Variants in FBXL20 observed in about 807,000 individuals in gnomAD.
FBXL20 encodes F-box/LRR-repeat protein 20.
FBXL20 carries 11 observed loss-of-function variants against 64.0 expected under a neutral mutation model. The ratio of observed to expected loss-of-function variants is 0.17; its 90% CI spans 0.11 to 0.28. The LOEUF is 0.28. Ranked by LOEUF, FBXL20 falls within the 10% of genes least tolerant of loss-of-function variation. The pLI is 1.00. For synonymous variants in FBXL20, 184 were observed against 189.0 expected (o/e 0.97, Z 0.22); for missense variants, 303 against 526.2 (o/e 0.58, Z 4.15).
chr17:39,349,241 G>C (rs145486774), intron 1 of FBXL20, among the ~76,000 whole-genome samples: 2 of 148,752 alleles, frequency 1.3e-5, no homozygotes, highest in African/African-American at 5.0e-5. Flanking sequence ...AACAGAGCGG[G>C]ACTCCGTCTC....
intron 2 of FBXL20, among the ~76,000 whole-genome samples, chr17:39,312,030 T>C (rs920543894): frequency 2.0e-5 from 3 of 152,162 alleles, no homozygotes; most frequent in Admixed American, 6.6e-5. Flanking sequence ...TAAGATGTCA[T>C]TGAGTTAGCT....
Position 39,274,927 on chromosome 17 carries a change from CTT to C in FBXL20, c.827+41_827+42del, listed in dbSNP as rs1254912708. The C allele has an allele frequency of 6.2e-6, 10 of 1,610,526 alleles. No individual in the cohort carries two copies. In the African/African-American group the frequency reaches 9.4e-5, roughly 15 times the overall value. On this transcript the variant is annotated intron_variant, in intron 10 of 14. Coordinates refer to ENST00000264658, the MANE Select transcript of FBXL20 (RefSeq NM_032875.3). ...AAGGAAGAAATATGGGTGAAGGAAA[CTT>C]TTGTTCTATGATTTTTTTGAGCTAA...
intron 1 of FBXL20, among the ~76,000 whole-genome samples, chr17:39,374,456 G>C (rs1051296269): frequency 6.6e-6 from 1 of 151,712 alleles, no homozygotes; most frequent in African/African-American, 2.4e-5. Flanking sequence ...CATGAGAACT[G>C]CTTGAACCTG....
intron 1 of FBXL20, 91 bp downstream of exon 1, chr17:39,401,270 C>A: frequency 1.2e-6 from 2 of 1,600,882 alleles, no homozygotes; most frequent in Non-Finnish European, 1.7e-6. Context: ...ACGGCGCCTG[C>A]CAGGGAGGAG....
chr17:39,369,934 C>T (rs1004437332), intron 1 of FBXL20, among the ~76,000 whole-genome samples: 6 of 152,048 alleles, frequency 3.9e-5, no homozygotes, highest in Admixed American at 3.3e-4. Context: ...GCATCCAACC[C>T]ACATAATACT....
intron 2 of FBXL20, among the ~76,000 whole-genome samples, chr17:39,328,958 G>A (rs1173460422): frequency 6.6e-6 from 1 of 152,158 alleles, no homozygotes; most frequent in Non-Finnish European, 1.5e-5. Flanking sequence ...GGAGACAGAG[G>A]TGGGAGGATT....
chr17:39,319,763 G>T lies in FBXL20; in HGVS notation c.105-16124C>A, dbSNP rs963476742. Among the ~76,000 whole-genome samples, 15 of 150,334 alleles carry T rather than the reference G, an allele frequency of 1.0e-4. No homozygotes were observed. In the South Asian group the frequency reaches 1.3e-3, roughly 13 times the overall value. On this transcript the variant is annotated intron_variant, in intron 2 of 14. Coordinates refer to ENST00000264658, the MANE Select transcript of FBXL20 (RefSeq NM_032875.3). ...GAAAAAAAAAAAAAATAGAACAGCA[G>T]GGACATAAATCTTTTCATTATTATT...
chr17:39,274,876 T>G, intron 10 of FBXL20, 94 bp downstream of exon 10: 1 of 1,536,268 alleles, frequency 6.5e-7, no homozygotes, highest in Non-Finnish European at 8.9e-7. Flanking sequence ...GCGTCTGCAG[T>G]GCCTACCTTA....
At chr17:39,366,965 G>C (rs1039043553) in intron 1 of FBXL20, among the ~76,000 whole-genome samples, 1 of 149,480 alleles carries the variant, frequency 6.7e-6, no homozygotes, top group East Asian at 2.0e-4. Context: ...CTCACTGCAA[G>C]CTCTGCCCCT....
chr17:39,366,104 G>A (rs1359438929), intron 1 of FBXL20, among the ~76,000 whole-genome samples: 1 of 152,028 alleles, frequency 6.6e-6, no homozygotes, highest in East Asian at 1.9e-4. Flanking sequence ...CAGTCTCTAA[G>A]GTAGCTGAAA....
At chr17:39,359,231 G>C (rs2047771157) in intron 1 of FBXL20, among the ~76,000 whole-genome samples, 1 of 152,084 alleles carries the variant, frequency 6.6e-6, no homozygotes, top group Non-Finnish European at 1.5e-5. Context: ...AGCTACTTGG[G>C]AAACTGAGGC....
intron 3 of FBXL20, among the ~76,000 whole-genome samples, chr17:39,301,313 C>A (rs1382681159): frequency 6.6e-6 from 1 of 152,094 alleles, no homozygotes; most frequent in Non-Finnish European, 1.5e-5. Context: ...GATCTTAGGC[C>A]AGGCATGGTG....
At chr17:39,280,567 AAAATAAATAAAT>A (rs71974319) in intron 9 of FBXL20, among the ~76,000 whole-genome samples, 1 of 148,748 alleles carries the variant, frequency 6.7e-6, no homozygotes, top group Admixed American at 6.8e-5. Context: ...ACTTTGCCTC[AAAATAAATAAAT>A]AAATAAATAA....
chr17:39,356,301 T>A (rs2047739057), intron 1 of FBXL20, among the ~76,000 whole-genome samples: 2 of 152,044 alleles, frequency 1.3e-5, no homozygotes, highest in South Asian at 4.1e-4. Context: ...TCATATGTGG[T>A]ATGAGGTGAG....
At chr17:39,390,784 CA>C (rs1368394820) in intron 1 of FBXL20, among the ~76,000 whole-genome samples, 1 of 152,132 alleles carries the variant, frequency 6.6e-6, no homozygotes, top group Non-Finnish European at 1.5e-5. Flanking sequence ...TACAGTGGCT[CA>C]CGCCTGTAAT....
chr17:39,367,442 A>T (rs2144627985), intron 1 of FBXL20, among the ~76,000 whole-genome samples: 1 of 149,436 alleles, frequency 6.7e-6, no homozygotes, highest in East Asian at 2.0e-4. Flanking sequence ...TCAGCCTCCC[A>T]AGTAGCTGGG....
intron 6 of FBXL20, among the ~76,000 whole-genome samples, chr17:39,286,751 T>C (rs1220939323): frequency 6.6e-6 from 1 of 151,184 alleles, no homozygotes; most frequent in East Asian, 2.0e-4. Flanking sequence ...CGAGCCAAGA[T>C]TGCACCATTG....
chr17:39,394,130 C>T (rs1837409691), intron 1 of FBXL20, among the ~76,000 whole-genome samples: 1 of 152,148 alleles, frequency 6.6e-6, no homozygotes, highest in African/African-American at 2.4e-5. Flanking sequence ...GTAAAGACAA[C>T]TGTGCACAAG....
chr17:39,365,222 A>T (rs537292724), intron 1 of FBXL20, among the ~76,000 whole-genome samples: 25 of 152,332 alleles, frequency 1.6e-4, no homozygotes, highest in South Asian at 1.4e-3. Flanking sequence ...TTTACTGATT[A>T]TGCCATTCCT....
Sources: gnomAD v4.1 joint callset for allele counts (sites outside exome capture counted in the v4.1 genomes callset) on GRCh38, gnomAD v4.1.1 for gene constraint, MANE v1.5 for transcripts, NCBI Gene and HGNC (gene_info 2026-07-23, HGNC 2026-07-21) for gene names.